Variants in ATP8B4 observed in about 807,000 individuals in gnomAD.
ATP8B4 encodes the protein ATPase phospholipid transporting 8B4 (putative).
A neutral mutation model predicts 145.6 loss-of-function variants in ATP8B4; 133 were observed. That is an observed-to-expected ratio of 0.91 (90% CI 0.79 to 1.05). The LOEUF (loss-of-function observed/expected upper bound fraction) is 1.05. Ranked by LOEUF, ATP8B4 falls within the 50% of genes least tolerant of loss-of-function variation. The pLI is 0.00. For synonymous variants in ATP8B4, 507 were observed against 492.9 expected (o/e 1.03, Z -0.38); for missense variants, 1,458 against 1,425.2 (o/e 1.02, Z -0.37).
intron 1 of ATP8B4, among the ~76,000 whole-genome samples, chr15:50,155,858 C>T (rs1181277314): frequency 6.6e-6 from 1 of 151,688 alleles, no homozygotes; most frequent in East Asian, 1.9e-4. Context: ...GTTCACATGG[C>T]TAAATTTTAT....
chr15:50,040,367 T>C (rs1022294983), intron 5 of ATP8B4, among the ~76,000 whole-genome samples: 3 of 152,182 alleles, frequency 2.0e-5, no homozygotes, highest in Admixed American at 1.3e-4. Flanking sequence ...GGTCTAGTAG[T>C]ATTGCCAACC....
intron 14 of ATP8B4, among the ~76,000 whole-genome samples, chr15:49,936,326 A>T (rs2041733237): frequency 6.6e-6 from 1 of 152,122 alleles, no homozygotes; most frequent in Non-Finnish European, 1.5e-5. Flanking sequence ...GTTGTAGCAT[A>T]TCTTAAACAT....
intron 2 of ATP8B4, among the ~76,000 whole-genome samples, chr15:50,098,370 C>G (rs527374373): frequency 1.5e-4 from 20 of 136,366 alleles, no homozygotes; most frequent in Admixed American, 4.2e-4. Flanking sequence ...TAGCTCACTG[C>G]AACCTTGACC....
chr15:50,092,919 G>A (rs1352438377), intron 2 of ATP8B4, among the ~76,000 whole-genome samples: 1 of 151,870 alleles, frequency 6.6e-6, no homozygotes, highest in Non-Finnish European at 1.5e-5. Flanking sequence ...ACACATAATA[G>A]TAATATTGCT....
At chr15:50,047,901 T>C (rs1344261784) in intron 3 of ATP8B4, among the ~76,000 whole-genome samples, 1 of 152,166 alleles carries the variant, frequency 6.6e-6, no homozygotes, top group Non-Finnish European at 1.5e-5. Flanking sequence ...TTAGAAGATC[T>C]CCTGGGATGG....
intron 15 of ATP8B4, among the ~76,000 whole-genome samples, chr15:49,932,454 A>G (rs1214666989): frequency 1.3e-5 from 2 of 152,074 alleles, no homozygotes; most frequent in Non-Finnish European, 2.9e-5. Context: ...AAAAACTTAA[A>G]GCAATTACTT....
At chr15:50,127,495 CTCAGTA>C (rs2057315109) in intron 1 of ATP8B4, among the ~76,000 whole-genome samples, 1 of 152,180 alleles carries the variant, frequency 6.6e-6, no homozygotes, top group African/African-American at 2.4e-5. Context: ...TTGCCATCAT[CTCAGTA>C]TATCAGTCAA....
intron 1 of ATP8B4, among the ~76,000 whole-genome samples, chr15:50,165,946 C>A (rs1480829956): frequency 6.9e-6 from 1 of 145,438 alleles, no homozygotes; most frequent in Non-Finnish European, 1.5e-5. Context: ...AACCATAGAT[C>A]TGAAAGCTCA....
chr15:50,044,247 CAT>C lies in ATP8B4; in HGVS notation c.300+345_300+346del, dbSNP rs575424016. Among the ~76,000 whole-genome samples, 224 of 152,266 alleles carry C rather than the reference CAT, an allele frequency of 1.5e-3. 2 individuals are homozygous for C. Among genetic ancestry groups the C allele is most frequent in the African/African-American group, 5.2e-3 (218 of 41,550 alleles). ...CCAGCTCTCAAACCTTAAACAAAGACATGTGATAAAGAATAAGTAACACTTCA... is the reference window on the plus strand; with the variant it reads ...CCAGCTCTCAAACCTTAAACAAAGACGTGATAAAGAATAAGTAACACTTCA... On this transcript the variant is annotated intron_variant, in intron 5 of 27. Coordinates refer to ENST00000284509, the MANE Select transcript of ATP8B4 (RefSeq NM_024837.4).
At chr15:50,164,416 G>C (rs1487961485) in intron 1 of ATP8B4, among the ~76,000 whole-genome samples, 1 of 152,146 alleles carries the variant, frequency 6.6e-6, no homozygotes, top group Non-Finnish European at 1.5e-5. Flanking sequence ...AGCATGTCTA[G>C]AAGTGTCATC....
intron 10 of ATP8B4, among the ~76,000 whole-genome samples, chr15:49,984,186 A>G (rs1256884839): frequency 1.3e-5 from 2 of 152,330 alleles, no homozygotes; most frequent in South Asian, 2.1e-4. Context: ...AAATAATTGA[A>G]CTTGCCTGAG....
chr15:49,862,459 C>CT (rs751951310), intron 26 of ATP8B4, 84 bp from the exon 27 acceptor site: 82,035 of 1,091,838 alleles, frequency 0.075, 156 homozygotes, highest in Non-Finnish European at 0.081. Flanking sequence ...CCTACAAGAT[C>CT]TTTTTTTTTT....
chr15:49,960,184 G>A (rs542666776), intron 14 of ATP8B4, among the ~76,000 whole-genome samples: 3 of 152,048 alleles, frequency 2.0e-5, no homozygotes, highest in Admixed American at 6.6e-5. Context: ...CCACCACCAC[G>A]CTTGGCTAAT....
At chr15:49,952,325 G>A (rs1010676754) in intron 14 of ATP8B4, among the ~76,000 whole-genome samples, 2 of 151,954 alleles carry the variant, frequency 1.3e-5, no homozygotes, top group Non-Finnish European at 1.5e-5. Flanking sequence ...TCTCCTTCTG[G>A]TCCTCCAATC....
At chr15:50,047,985 G>C (rs1172082553) in intron 3 of ATP8B4, among the ~76,000 whole-genome samples, 1 of 152,118 alleles carries the variant, frequency 6.6e-6, no homozygotes, top group African/African-American at 2.4e-5. Flanking sequence ...TTATTATGAG[G>C]AACCCAAATC....
At chr15:49,902,026 T>C (rs545838302) in intron 20 of ATP8B4, 4 of 198,166 alleles carry the variant, frequency 2.0e-5, no homozygotes, top group Admixed American at 1.8e-4. Flanking sequence ...ATAGCACACT[T>C]AGAAGTGGCA....
At chr15:49,863,621 C>T (rs1010139330) in intron 26 of ATP8B4, among the ~76,000 whole-genome samples, 1 of 152,162 alleles carries the variant, frequency 6.6e-6, no homozygotes, top group East Asian at 1.9e-4. Flanking sequence ...TCTGCTTTTT[C>T]TGGCTTTAGA....
At chr15:50,176,087 GTATA>G (rs1006393585) in intron 1 of ATP8B4, among the ~76,000 whole-genome samples, 9 of 150,564 alleles carry the variant, frequency 6.0e-5, no homozygotes, top group Non-Finnish European at 1.3e-4. Context: ...ATACCACAGA[GTATA>G]TATATAGTGT....
At chr15:49,894,230 T>A (rs570886502) in intron 23 of ATP8B4, among the ~76,000 whole-genome samples, 1 of 152,306 alleles carries the variant, frequency 6.6e-6, no homozygotes, top group Non-Finnish European at 1.5e-5. Context: ...ACCCAGGACA[T>A]AAGGTCCAGG....
Sources: gnomAD v4.1 joint callset for allele counts (sites outside exome capture counted in the v4.1 genomes callset) on GRCh38, gnomAD v4.1.1 for gene constraint, MANE v1.5 for transcripts, NCBI Gene and HGNC (gene_info 2026-07-23, HGNC 2026-07-21) for gene names.